CTTNBP2NL: variants seen among roughly 807,000 people sequenced by gnomAD.
The protein encoded by CTTNBP2NL is CTTNBP2 N-terminal like, also known as CTTNBP2 N-terminal-like protein.
A neutral mutation model predicts 32.5 loss-of-function variants in CTTNBP2NL; 16 were observed. The observed-to-expected ratio is 0.49, with a 90% confidence interval of 0.33 to 0.75. The LOEUF (loss-of-function observed/expected upper bound fraction) is 0.75, where lower values mean the gene tolerates loss of function less well. CTTNBP2NL is among the 30% of genes least tolerant of loss of function. The pLI, the probability that CTTNBP2NL is intolerant of heterozygous loss-of-function variation, is 0.02. For synonymous variants in CTTNBP2NL, 298 were observed against 289.4 expected (o/e 1.03, Z -0.30); for missense variants, 645 against 756.0 (o/e 0.85, Z 1.72).
chr1:112,453,071 T>C (rs749618232), intron 4 of CTTNBP2NL, among the ~76,000 whole-genome samples: 5 of 150,170 alleles, frequency 3.3e-5, no homozygotes, highest in Admixed American at 6.6e-5. Context: ...GCCGAGATGA[T>C]GCCACTGCAT....
chr1:112,406,423 C>G (rs933759917), intron 1 of CTTNBP2NL, among the ~76,000 whole-genome samples: 1 of 152,086 alleles, frequency 6.6e-6, no homozygotes, highest in African/African-American at 2.4e-5. Flanking sequence ...GTCAATTTAC[C>G]TGGGTTCACA....
intron 3 of CTTNBP2NL, among the ~76,000 whole-genome samples, chr1:112,443,445 C>T (rs1344322658): frequency 6.6e-6 from 1 of 152,204 alleles, no homozygotes; most frequent in Non-Finnish European, 1.5e-5. Context: ...AACTCCTCAC[C>T]TGAAGTCATC....
intron 1 of CTTNBP2NL, among the ~76,000 whole-genome samples, chr1:112,399,226 G>A (rs905136161): frequency 1.3e-5 from 2 of 150,044 alleles, no homozygotes; most frequent in African/African-American, 4.9e-5. Flanking sequence ...GGCTGAGGCA[G>A]CAGAATTGCT....
chr1:112,430,790 G>A (rs2101015834), intron 3 of CTTNBP2NL, among the ~76,000 whole-genome samples: 1 of 151,710 alleles, frequency 6.6e-6, no homozygotes. Context: ...TCACCATGTT[G>A]GCCAGGATTA....
chr1:112,425,152 TTC>T (rs894210455), intron 3 of CTTNBP2NL, among the ~76,000 whole-genome samples: 1 of 151,886 alleles, frequency 6.6e-6, no homozygotes, highest in African/African-American at 2.4e-5. Flanking sequence ...AAATGTTAAT[TTC>T]TGATTGTTTA....
intron 3 of CTTNBP2NL, among the ~76,000 whole-genome samples, chr1:112,434,434 C>G (rs1225422291): frequency 2.6e-5 from 4 of 152,108 alleles, no homozygotes; most frequent in African/African-American, 9.7e-5. Flanking sequence ...GTGCTAAAAC[C>G]TGTTGGCTCT....
In CTTNBP2NL at chr1:112,448,962, C is replaced by T; in HGVS notation, c.120C>T (p.Phe40=). ...CCCAGGCCCAACACAGAGATACTTTCATTGAAGAACGCTATGGAAAATATA... is the reference window on the plus strand; with the variant it reads ...CCCAGGCCCAACACAGAGATACTTTTATTGAAGAACGCTATGGAAAATATA... ...EALKAQHRDT[F]IEERYGKYNI... Residue 40 remains phenylalanine (F), a synonymous_variant, in exon 4 of 6, where the codon TTC becomes TTT. Transcript: ENST00000271277. 1.9e-6 allele frequency: 3 copies of T among 1,608,652 alleles called. No individual in the cohort carries two copies. The South Asian group carries it at 3.3e-5, about 18-fold the overall frequency.
At chr1:112,442,094 A>G (rs1404872897) in intron 3 of CTTNBP2NL, among the ~76,000 whole-genome samples, 1 of 152,118 alleles carries the variant, frequency 6.6e-6, no homozygotes, top group Non-Finnish European at 1.5e-5. Flanking sequence ...CAGTGAACCC[A>G]AAAGTGCTCT....
intron 1 of CTTNBP2NL, among the ~76,000 whole-genome samples, chr1:112,401,626 G>A (rs1048581181): frequency 1.3e-5 from 2 of 152,158 alleles, no homozygotes; most frequent in Admixed American, 6.5e-5. Context: ...AAAGTAAGGA[G>A]CGATGATAGG....
intron 2 of CTTNBP2NL, among the ~76,000 whole-genome samples, chr1:112,415,171 A>G (rs1649018033): frequency 1.3e-5 from 2 of 152,198 alleles, no homozygotes; most frequent in Non-Finnish European, 2.9e-5. Context: ...AGCCTGGGTG[A>G]CAGAGCAAGA....
chr1:112,414,070 G>T (rs746329033), intron 2 of CTTNBP2NL, among the ~76,000 whole-genome samples: 1 of 148,004 alleles, frequency 6.8e-6, no homozygotes, highest in African/African-American at 2.5e-5. Flanking sequence ...TAAATAAAAA[G>T]AAAAAGAAAA....
chr1:112,411,685 ATTT>A (rs5777111), intron 1 of CTTNBP2NL, among the ~76,000 whole-genome samples: 2 of 144,560 alleles, frequency 1.4e-5, no homozygotes, highest in African/African-American at 2.5e-5. Context: ...TGTAATTATG[ATTT>A]TTTTTTTTTT....
rs150099225 is a variant in CTTNBP2NL at position 112,448,430 on chromosome 1, A to C, written c.100-512A>C. ...GTTAGGTCTCTAAATATATAAACTC[A>C]TAAAATTATCATACTTAACATGTTT... On this transcript the variant is annotated intron_variant, in intron 3 of 5. Coordinates refer to ENST00000271277, the MANE Select transcript of CTTNBP2NL (RefSeq NM_018704.3). Among the ~76,000 whole-genome samples the C allele has an allele frequency of 4.0e-3, 612 of 152,356 alleles. 2 individuals carry two copies. Among genetic ancestry groups the C allele is most frequent in the African/African-American group, 0.014 (583 of 41,586 alleles).
chr1:112,413,612 T>A (rs1043646336), intron 2 of CTTNBP2NL, among the ~76,000 whole-genome samples: 7 of 152,220 alleles, frequency 4.6e-5, no homozygotes, highest in African/African-American at 1.7e-4. Flanking sequence ...TAACCTCTAA[T>A]AAAGTGTAGC....
Position 112,404,882 on chromosome 1 carries a change from T to A in CTTNBP2NL, c.-133-7312T>A, listed in dbSNP as rs148931886. The stretch of plus-strand genomic sequence containing the variant: ...GCTTGACCAAAATGGAGGAACCCCG[T>A]CTCTACTAAAAATACAAAATTAGCC... On this transcript the variant is annotated intron_variant, in intron 1 of 5. Transcript: ENST00000271277. Among the ~76,000 whole-genome samples, 516 of 152,150 alleles carry A rather than the reference T, an allele frequency of 3.4e-3. 3 individuals are homozygous for A. Among genetic ancestry groups the A allele is most frequent in the African/African-American group, 0.012 (489 of 41,510 alleles).
At chr1:112,394,774 A>G (rs1325286862), upstream of CTTNBP2NL, among the ~76,000 whole-genome samples, 3 of 152,234 alleles carry the variant, frequency 2.0e-5, no homozygotes, top group Non-Finnish European at 4.4e-5. Flanking sequence ...TGAAGTGAGC[A>G]GAATATGGCA....
Position 112,417,162 on chromosome 1 carries a change from T to A in CTTNBP2NL, c.99+898T>A, listed in dbSNP as rs1490836203. The stretch of plus-strand genomic sequence containing the variant: ...TTTCTCTTTTATAGTTTTACCGAGA[T>A]AACCTGTCTGCTTTTCAGCCTTAGA... On this transcript the variant is annotated intron_variant, in intron 3 of 5. Transcript: ENST00000271277. Among the ~76,000 whole-genome samples, 3 of 152,224 alleles carry A rather than the reference T, an allele frequency of 2.0e-5. No homozygotes were observed. In the East Asian group the frequency reaches 5.8e-4, roughly 29 times the overall value.
chr1:112,411,470 T>C (rs908085374), intron 1 of CTTNBP2NL, among the ~76,000 whole-genome samples: 1 of 152,170 alleles, frequency 6.6e-6, no homozygotes, highest in African/African-American at 2.4e-5. Flanking sequence ...GCTATAGCTG[T>C]CTATACCACA....
At chr1:112,393,530 G>A (rs116048457), upstream of CTTNBP2NL, among the ~76,000 whole-genome samples, 1,498 of 152,060 alleles carry the variant, frequency 9.9e-3, 35 homozygotes, top group African/African-American at 0.034. Context: ...TTACCTCTGC[G>A]TACACCTATG....
Sources: allele counts gnomAD v4.1 joint callset (sites outside exome capture counted in the v4.1 genomes callset), GRCh38; gene constraint gnomAD v4.1.1; transcripts MANE v1.5; gene names NCBI Gene and HGNC (gene_info 2026-07-23, HGNC 2026-07-21).